The following UGGT1 variants were observed in gnomAD, a reference collection of about 807,000 sequenced individuals.
UGGT1 encodes UDP-glucose:glycoprotein glucosyltransferase 1.
UGGT1 carries 107 observed loss-of-function variants against 203.9 expected under a neutral mutation model. That is an observed-to-expected ratio of 0.52 (90% CI 0.45 to 0.62). The LOEUF is 0.62. Among genes scored for constraint, UGGT1 ranks in the 20% least tolerant of loss-of-function variants. UGGT1 has a pLI of 0.00. For synonymous variants in UGGT1, 628 were observed against 653.5 expected (o/e 0.96, Z 0.59); for missense variants, 1,673 against 1,867.2 (o/e 0.90, Z 1.92).
Position 128,091,377 on chromosome 2 carries a change from C to T in UGGT1, c.20C>T (p.Ala7Val). 1 of 1,573,956 alleles carries T rather than the reference C, an allele frequency of 6.4e-7. No homozygotes were observed. Among genetic ancestry groups the T allele is most frequent in the South Asian group, 1.2e-5 (1 of 85,780 alleles). MGCKGD[A>V]SGACAAGALP... The stretch of plus-strand genomic sequence containing the variant: ...CCGGGCATGGGCTGCAAGGGAGACG[C>T]GAGCGGTGCGTGTGCCGCGGGTGCG... Residue 7 changes from alanine (A) to valine (V), a missense_variant, in exon 1 of 41, where the codon GCG (alanine) becomes GTG (valine). By Grantham distance (64) the Ala-to-Val change is moderately conservative. Coordinates refer to ENST00000259253, the MANE Select transcript of UGGT1 (RefSeq NM_020120.4).
At chr2:128,096,549 A>G (rs1039377270) in intron 1 of UGGT1, among the ~76,000 whole-genome samples, 24 of 152,234 alleles carry the variant, frequency 1.6e-4, no homozygotes, top group Non-Finnish European at 3.2e-4. Flanking sequence ...GTGTCTCTAC[A>G]TAGTTTTCCC....
intron 17 of UGGT1, 29 bp from the exon 18 acceptor site, chr2:128,145,774 T>C (rs545098815): frequency 1.5e-5 from 22 of 1,510,554 alleles, no homozygotes; most frequent in Admixed American, 1.1e-4. Context: ...GGCAAAAATA[T>C]ACTGTTTTTG....
chr2:128,163,117 G>T (rs1168490373), intron 25 of UGGT1, among the ~76,000 whole-genome samples: 2 of 152,084 alleles, frequency 1.3e-5, no homozygotes, highest in African/African-American at 4.8e-5. Flanking sequence ...TTTCTTGTTG[G>T]CCTGCTCACT....
rs759843965 is a variant in UGGT1, at chr2:128,179,747, T to C, written c.3816-39T>C. ...TACATAATGTTGAGGTTAAATAACA[T>C]TGGAAAGCTGTTATTAATTACCTGC... On this transcript the variant is annotated intron_variant, in intron 34 of 40. Coordinates refer to ENST00000259253, the MANE Select transcript of UGGT1 (RefSeq NM_020120.4). 76 of 1,529,996 alleles carry C rather than the reference T, an allele frequency of 5.0e-5. No individual in the cohort carries two copies. The East Asian group carries it at 1.2e-3, about 23-fold the overall frequency. The allele number at this position is 1,529,996 out of a possible 1,614,324, so 94.8% of individuals were successfully genotyped here.
Position 128,188,766 on chromosome 2 carries a change from C to A in UGGT1, c.4643-951C>A, listed in dbSNP as rs1429486568. On this transcript the variant is annotated intron_variant, in intron 40 of 40. Coordinates refer to ENST00000259253, the MANE Select transcript of UGGT1 (RefSeq NM_020120.4). ...CAAGGTTGCAGTGAGCGACTGCACT[C>A]CAGCCTAGGTAACAGAGAGAGAACC... Among the ~76,000 whole-genome samples the A allele has an allele frequency of 5.3e-5, 8 of 152,168 alleles. No homozygotes were observed. In the East Asian group the frequency reaches 1.5e-3, roughly 29 times the overall value.
At chr2:128,165,339 G>A (rs1690734685) in intron 26 of UGGT1, among the ~76,000 whole-genome samples, 1 of 152,130 alleles carries the variant, frequency 6.6e-6, no homozygotes, top group Non-Finnish European at 1.5e-5. Flanking sequence ...GCTGCAGTGA[G>A]CCATGATCTC....
At chr2:128,120,832 A>G (rs537457991) in intron 9 of UGGT1, among the ~76,000 whole-genome samples, 45 of 152,212 alleles carry the variant, frequency 3.0e-4, no homozygotes, top group South Asian at 2.3e-3. Context: ...CCAAAGAACT[A>G]TTTTTCAAGT....
rs1452117104 is a variant in UGGT1 at position 128,181,024 on chromosome 2, A to G, written c.4035A>G (p.Val1345=). 6.2e-7 allele frequency: 1 copy of G among 1,614,180 alleles called. No individual in the cohort carries two copies. Residue 1345 remains valine (V), a synonymous_variant, in exon 36 of 41, where the codon GTA becomes GTG. Transcript: ENST00000259253. ...GTTACAAGATCCTCTTCCTGGATGT[A>G]CTTTTCCCACTAGTTGTTGACAAGT... ...IWGYKILFLD[V]LFPLVVDKFL...
chr2:128,149,326 G>A (rs1689833437), intron 18 of UGGT1, among the ~76,000 whole-genome samples: 1 of 149,920 alleles, frequency 6.7e-6, no homozygotes, highest in African/African-American at 2.4e-5. Flanking sequence ...ATAGGCATGA[G>A]CCATCGTGCC....
intron 30 of UGGT1, among the ~76,000 whole-genome samples, chr2:128,174,183 T>A (rs914755350): frequency 6.6e-6 from 1 of 152,230 alleles, no homozygotes; most frequent in Non-Finnish European, 1.5e-5. Flanking sequence ...AGATTGCTCA[T>A]GAGCTGACAG....
At position 128,187,548 on chromosome 2, in the gene UGGT1, C is replaced by G. The variant is rs759864507; in HGVS notation, c.4576C>G (p.Arg1526Gly). The change falls in exon 40 of 41, where the codon CGC becomes GGC. Residue 1526 changes from arginine to glycine, a missense_variant. By Grantham distance (125) the Arg-to-Gly change is moderately radical. Around this residue, in one of 4 missense-constraint regions of UGGT1, gnomAD observed 513 missense variants for 684.1 expected, o/e 0.75. Transcript: ENST00000259253. Reference sequence around the variant, plus strand: ...CCAAGAGATCAAACAGCTACAGATCCGCTTTCAGAAGGAGAAAGAAACGGG... The same window carrying G: ...CCAAGAGATCAAACAGCTACAGATCGGCTTTCAGAAGGAGAAAGAAACGGG... ...YDQEIKQLQI[R>G]FQKEKETGAL... The G allele has an allele frequency of 6.2e-7, 1 of 1,613,934 alleles. No individual in the cohort carries two copies. Among genetic ancestry groups the G allele is most frequent in the East Asian group, 2.2e-5 (1 of 44,894 alleles).
intron 2 of UGGT1, among the ~76,000 whole-genome samples, chr2:128,099,516 A>G (rs1010529857): frequency 1.2e-4 from 19 of 152,270 alleles, no homozygotes; most frequent in Middle Eastern, 3.4e-3. Context: ...TGCCATGTTG[A>G]TTGTGTGAAC....
chr2:128,103,001 A>G (rs1687448363), intron 2 of UGGT1: 2 of 462,628 alleles, frequency 4.3e-6, no homozygotes, highest in African/African-American at 4.1e-5. Context: ...GATAATGGGT[A>G]TTTTCAGAAA....
intron 8 of UGGT1, among the ~76,000 whole-genome samples, chr2:128,118,685 T>G (rs1358854224): frequency 6.6e-6 from 1 of 152,160 alleles, no homozygotes. Context: ...CTTTTGGACA[T>G]TCAGAATAGT....
At chr2:128,120,266 G>A (rs1688314524) in intron 8 of UGGT1, 90 bp from the exon 9 acceptor site, 1 of 1,261,568 alleles carries the variant, frequency 7.9e-7, no homozygotes, top group Admixed American at 2.2e-5. Context: ...GTTGGGAGAG[G>A]AAAACCATGA....
intron 39 of UGGT1, 43 bp from the exon 40 acceptor site, chr2:128,187,406 C>T (rs964900916): frequency 1.3e-6 from 2 of 1,586,752 alleles, no homozygotes; most frequent in Non-Finnish European, 1.7e-6. Flanking sequence ...TATCATGTGG[C>T]CTTTCTTCAA....
Position 128,143,828 on chromosome 2 carries a change from T to G in UGGT1, c.1851+603T>G, listed in dbSNP as rs186038832. On this transcript the variant is annotated intron_variant, in intron 17 of 40. Transcript: ENST00000259253. The stretch of plus-strand genomic sequence containing the variant: ...CTAACAATCTAATGACTAATGAGAT[T>G]TTTTTTTTTTTTAACTACAGCAGCT... Among the ~76,000 whole-genome samples the G allele has an allele frequency of 2.9e-3, 429 of 146,216 alleles. 2 individuals carry two copies. Among genetic ancestry groups the G allele is most frequent in the Non-Finnish European group, 5.0e-3 (328 of 66,128 alleles).
At chr2:128,189,532 A>G (rs569527371) in intron 40 of UGGT1, among the ~76,000 whole-genome samples, 185 bp from the exon 41 acceptor site, 2 of 152,358 alleles carry the variant, frequency 1.3e-5, no homozygotes, top group Admixed American at 6.5e-5. Flanking sequence ...TTTTTAAAAA[A>G]TCTTTAATTT....
rs796702674 is a variant in UGGT1 at position 128,176,975 on chromosome 2, A to G, written c.3624+77A>G. ...AAATATGTATCTTGGAACCAGCCCA[A>G]GAGTCTCTTTGGAATTTGCTATGGC... On this transcript the variant is annotated intron_variant, in intron 32 of 40. Coordinates refer to ENST00000259253, the MANE Select transcript of UGGT1 (RefSeq NM_020120.4). 8 of 1,412,776 alleles carry G rather than the reference A, an allele frequency of 5.7e-6. 1 individual carries two copies. In the African/African-American group the frequency reaches 1.0e-4, roughly 18 times the overall value. The allele number at this position is 1,412,776 out of a possible 1,614,324, so 87.5% of individuals were successfully genotyped here.
Sources: gnomAD v4.1 joint callset for allele counts (sites outside exome capture counted in the v4.1 genomes callset) on GRCh38, gnomAD v4.1.1 for gene constraint, gnomAD v4.1.1 regional missense constraint, MANE v1.5 for transcripts, NCBI Gene and HGNC (gene_info 2026-07-23, HGNC 2026-07-21) for gene names.